The following EXO5 variants were observed in gnomAD, a reference collection of about 807,000 sequenced individuals.
EXO5 encodes the protein exonuclease V.
In EXO5, 11 loss-of-function variants were observed where a neutral mutation model predicts 17.8. The ratio of observed to expected loss-of-function variants is 0.62; its 90% CI spans 0.39 to 1.02. The LOEUF (loss-of-function observed/expected upper bound fraction) is 1.02. EXO5 is among the 50% of genes least tolerant of loss of function. The probability of loss-of-function intolerance (pLI) is 0.00; values close to 1 mark genes in which losing one functional copy is unlikely to be tolerated. For synonymous variants in EXO5, 147 were observed against 166.5 expected (o/e 0.88, Z 0.90); for missense variants, 364 against 434.8 (o/e 0.84, Z 1.45).
At position 40,514,594 on chromosome 1, in the gene EXO5, T is replaced by A; in HGVS notation, c.50T>A (p.Phe17Tyr). 1 of 1,614,168 alleles carries A rather than the reference T, an allele frequency of 6.2e-7. No individual in the cohort carries two copies. Among genetic ancestry groups the A allele is most frequent in the East Asian group, 2.2e-5 (1 of 44,884 alleles). ...EETVSAEASG[F>Y]SDLSDSEFLE... ...ACAGTGTCAGCAGAAGCCTCAGGGT[T>A]CTCAGACTTGAGTGACTCAGAGTTC... The change falls in exon 4 of 4, where the codon TTC becomes TAC. Residue 17 changes from phenylalanine (F) to tyrosine (Y), a missense_variant. Physicochemically the swap from Phe to Tyr is conservative, Grantham distance 22. Transcript: ENST00000415550.
intron 3 of EXO5, among the ~76,000 whole-genome samples, chr1:40,512,828 C>G (rs1187748550): frequency 1.3e-5 from 2 of 152,138 alleles, no homozygotes; most frequent in South Asian, 2.1e-4. Context: ...GCTGGCCAGG[C>G]TGGTCTCAAA....
intron 3 of EXO5, among the ~76,000 whole-genome samples, chr1:40,510,108 T>C (rs1175456056): frequency 6.6e-6 from 1 of 152,226 alleles, no homozygotes; most frequent in Non-Finnish European, 1.5e-5. Context: ...CTTGGCATTA[T>C]GCTGTTTCCC....
chr1:40,515,129 G>A lies in EXO5; in HGVS notation c.585G>A (p.Ala195=), dbSNP rs763145093. 2.2e-5 allele frequency: 35 copies of A among 1,613,962 alleles called. No individual in the cohort carries two copies. The highest frequency in any genetic ancestry group is 5.3e-5 in the African/African-American group (4 of 74,888). ...CAGCCAAGGGGGAACTGGAGCTGGC[G>A]GAACTCAAGACACGCAGGCGCCCTA... ...HYTAKGELEL[A]ELKTRRRPML... Residue 195 remains alanine, a synonymous_variant, in exon 4 of 4, where the codon GCG becomes GCA. Transcript: ENST00000415550.
chr1:40,512,341 T>G (rs1645794708), intron 3 of EXO5, among the ~76,000 whole-genome samples: 1 of 152,208 alleles, frequency 6.6e-6, no homozygotes, highest in Non-Finnish European at 1.5e-5. Flanking sequence ...TTTTGTCAGA[T>G]GTGATAATGT....
At chr1:40,514,457 A>G in intron 3 of EXO5, 58 bp from the exon 4 acceptor site, 4 of 1,388,150 alleles carry the variant, frequency 2.9e-6, no homozygotes, top group Non-Finnish European at 1.9e-6. Context: ...CTGAAATTTG[A>G]AAGTGCTTTT....
In EXO5 at chr1:40,511,241, T is replaced by G. The variant is rs572593109; in HGVS notation, c.-31+1451T>G. Among the ~76,000 whole-genome samples, 52 of 151,924 alleles carry G rather than the reference T, an allele frequency of 3.4e-4. 1 individual carries two copies. In the South Asian group the frequency reaches 3.5e-3, roughly 10 times the overall value. ...AAGAGTGAGACTCTGTCTCAAAAAA[T>G]AAAATAAAAGAAAAGAAAAAATAAA... On this transcript the variant is annotated intron_variant, in intron 3 of 3. Coordinates refer to ENST00000415550, the MANE Select transcript of EXO5 (RefSeq NM_001346953.2).
chr1:40,514,172 C>T (rs889674968), intron 3 of EXO5, among the ~76,000 whole-genome samples: 6 of 151,160 alleles, frequency 4.0e-5, no homozygotes, highest in African/African-American at 1.5e-4. Context: ...CCCAGCTACT[C>T]GGGAGGCTGA....
At chr1:40,511,032 G>A (rs1416646668) in intron 3 of EXO5, among the ~76,000 whole-genome samples, 5 of 152,158 alleles carry the variant, frequency 3.3e-5, no homozygotes, top group Admixed American at 6.5e-5. Context: ...TCAGGAGATC[G>A]AGACCATCCT....
Position 40,515,375 on chromosome 1 carries a change from GTC to G in EXO5, c.835_836del (p.Leu279AsnfsTer9). 6.2e-7 allele frequency: 1 copy of G among 1,614,076 alleles called. No homozygotes were observed. Among genetic ancestry groups the G allele is most frequent in the South Asian group, 1.1e-5 (1 of 91,076 alleles). On this transcript the variant is annotated frameshift_variant, in exon 4 of 4. Transcript: ENST00000415550. LOFTEE classifies it high-confidence loss of function. Reference protein sequence around the residue: ...LGDLMELVFLSLTLSDLPVID... With the variant: ...LGDLMELVFLXLTLSDLPVID... ...GTGACCTCATGGAACTTGTCTTCTT[GTC>G]TCTAACACTGTCAGACCTCCCAGTT...
Position 40,511,141 on chromosome 1 carries a change from A to G in EXO5, c.-31+1351A>G, listed in dbSNP as rs557246150. ...TCCCAGCTACTCGGGAGGCTGAGGC[A>G]GGAGAATGGCGTGAACCCGGGAGGC... On this transcript the variant is annotated intron_variant, in intron 3 of 3. Coordinates refer to ENST00000415550, the MANE Select transcript of EXO5 (RefSeq NM_001346953.2). Among the ~76,000 whole-genome samples the G allele has an allele frequency of 9.2e-5, 14 of 152,334 alleles. 1 individual carries two copies. The South Asian group carries it at 2.5e-3, about 27-fold the overall frequency.
intron 3 of EXO5, among the ~76,000 whole-genome samples, chr1:40,512,068 C>CG (rs1645788900): frequency 2.6e-5 from 4 of 152,060 alleles, no homozygotes; most frequent in Admixed American, 1.3e-4. Context: ...TTAGTAGAGA[C>CG]AGGTTTCACC....
chr1:40,511,095 C>G (rs956681918), intron 3 of EXO5, among the ~76,000 whole-genome samples: 2 of 151,980 alleles, frequency 1.3e-5, no homozygotes, highest in Non-Finnish European at 2.9e-5. Context: ...ATTAGCTGGG[C>G]GCGGTGGCGG....
intron 3 of EXO5, among the ~76,000 whole-genome samples, chr1:40,510,215 A>G (rs1324873977): frequency 1.3e-5 from 2 of 151,970 alleles, no homozygotes; most frequent in African/African-American, 4.8e-5. Flanking sequence ...TATAAAAATC[A>G]AACTTGTCCT....
At chr1:40,511,002 G>A (rs1570073636) in intron 3 of EXO5, among the ~76,000 whole-genome samples, 2 of 152,256 alleles carry the variant, frequency 1.3e-5, no homozygotes, top group African/African-American at 2.4e-5. Flanking sequence ...TTGGGAGGCC[G>A]AGGCGGGTGC....
At chr1:40,511,959 C>T (rs987727568) in intron 3 of EXO5, among the ~76,000 whole-genome samples, 6 of 151,584 alleles carry the variant, frequency 4.0e-5, no homozygotes, top group Non-Finnish European at 5.9e-5. Context: ...GCTCACTGCA[C>T]GCTCCGCCTC....
intron 1 of EXO5, 128 bp downstream of exon 1, chr1:40,509,036 T>G (rs1041330499): frequency 6.6e-6 from 1 of 152,260 alleles, no homozygotes; most frequent in Non-Finnish European, 1.5e-5. Context: ...TCGTCTCCCC[T>G]CACAGGCCGG....
intron 3 of EXO5, among the ~76,000 whole-genome samples, chr1:40,511,880 T>C (rs1441693492): frequency 7.5e-6 from 1 of 132,652 alleles, no homozygotes; most frequent in Non-Finnish European, 1.6e-5. Flanking sequence ...CTTTTTTCTT[T>C]TTTCTTTTTT....
At position 40,512,788 on chromosome 1, in the gene EXO5, C is replaced by T. The variant is rs548876399; in HGVS notation, c.-30-1727C>T. Reference sequence around the variant, plus strand: ...GGCTAATTTTTTGTATTTTTAGTTTCACCATGAGGTGTATTTTTAGTTTCA... The same window carrying T: ...GGCTAATTTTTTGTATTTTTAGTTTTACCATGAGGTGTATTTTTAGTTTCA... On this transcript the variant is annotated intron_variant, in intron 3 of 3. Coordinates refer to ENST00000415550, the MANE Select transcript of EXO5 (RefSeq NM_001346953.2). Among the ~76,000 whole-genome samples, 216 of 152,110 alleles carry T rather than the reference C, an allele frequency of 1.4e-3. 1 individual carries two copies. The highest frequency in any genetic ancestry group is 2.8e-3 in the Non-Finnish European group (189 of 67,990).
At position 40,515,478 on chromosome 1, in the gene EXO5, GAGA is replaced by G. The variant is rs760843506; in HGVS notation, c.937_939del (p.Lys313del). The G allele has an allele frequency of 1.2e-6, 2 of 1,613,910 alleles. No homozygotes were observed. The highest frequency in any genetic ancestry group is 1.7e-6 in the Non-Finnish European group (2 of 1,180,004). On this transcript the variant is annotated inframe_deletion, in exon 4 of 4. Transcript: ENST00000415550. ...GGGTACTGAGATTGTAGCCTTCAAA[GAGA>G]AGGAGGTGAGAGCCAAGGTGCAGCA...
Sources: allele counts gnomAD v4.1 joint callset (sites outside exome capture counted in the v4.1 genomes callset), GRCh38; gene constraint gnomAD v4.1.1; transcripts MANE v1.5; gene names NCBI Gene and HGNC (gene_info 2026-07-23, HGNC 2026-07-21).